UTP20: variants seen among roughly 807,000 people sequenced by gnomAD.
UTP20 encodes small subunit processome component 20 homolog.
UTP20 carries 164 observed loss-of-function variants against 329.5 expected under a neutral mutation model. The observed-to-expected ratio is 0.50, with a 90% CI of 0.44 to 0.57. UTP20 has a LOEUF of 0.57. Among genes scored for constraint, UTP20 ranks in the 20% least tolerant of loss-of-function variants. The pLI is 0.00. For missense variants in UTP20, 3,055 were observed against 3,284.2 expected, an observed-to-expected ratio of 0.93 and a Z score of 1.71; for synonymous variants, 1,151 against 1,159.3, an observed-to-expected ratio of 0.99 and a Z score of 0.14.
In UTP20 at chr12:101,313,660, G is replaced by A. The variant is rs968452534; in HGVS notation, c.2552+1384G>A. Among the ~76,000 whole-genome samples the A allele has an allele frequency of 3.3e-5, 5 of 151,838 alleles. No homozygotes were observed. In the South Asian group the frequency reaches 6.2e-4, roughly 19 times the overall value. On this transcript the variant is annotated intron_variant, in intron 21 of 61. Coordinates refer to ENST00000261637, the MANE Select transcript of UTP20 (RefSeq NM_014503.3). ...TTCGATAAGATAACATTTATGAAAG[G>A]TTGCAACTAGATCAGCCTGTGAGAT...
intron 28 of UTP20, 70 bp from the exon 29 acceptor site, chr12:101,334,355 T>C (rs1347879656): frequency 3.1e-6 from 4 of 1,302,206 alleles, no homozygotes; most frequent in East Asian, 4.7e-5. Context: ...TCTGTACTTG[T>C]TAGTTATTTG....
At chr12:101,294,166 G>T (rs565961191) in intron 11 of UTP20, among the ~76,000 whole-genome samples, 1 of 152,060 alleles carries the variant, frequency 6.6e-6, no homozygotes, top group African/African-American at 2.4e-5. Context: ...CTCCCAAGTA[G>T]CTGGGACTAC....
At chr12:101,375,866 G>A (rs1261164194) in intron 56 of UTP20, 110 bp downstream of exon 56, 2 of 667,842 alleles carry the variant, frequency 3.0e-6, no homozygotes, top group African/African-American at 3.7e-5. Context: ...ACAATGTCAG[G>A]AAAAGAGTCC....
Position 101,327,114 on chromosome 12 carries a change from G to A in UTP20, c.3075G>A (p.Gly1025=), listed in dbSNP as rs1763440034. 1 of 1,611,944 alleles carries A rather than the reference G, an allele frequency of 6.2e-7. No homozygotes were observed. Among genetic ancestry groups the A allele is most frequent in the Non-Finnish European group, 8.5e-7 (1 of 1,178,250 alleles). ...ILYGRMKNKT[G]SKTQGKSASG... is the part of the protein sequence containing the mutation. ...ATGGGCGAATGAAGAATAAGACTGG[G>A]AGTAAAACTCAGGGGAAATCTGCTT... The change falls in exon 26 of 62, where the codon GGG becomes GGA. Residue 1025 remains glycine (G), a synonymous_variant. Transcript: ENST00000261637.
rs1471708181 is a variant in UTP20 at position 101,370,435 on chromosome 12, G to A, written c.6559G>A (p.Val2187Met). 6.2e-7 allele frequency: 1 copy of A among 1,613,106 alleles called. No homozygotes were observed. The highest frequency in any genetic ancestry group is 8.5e-7 in the Non-Finnish European group (1 of 1,179,624). The change falls in exon 50 of 62, where the codon GTG becomes ATG. Residue 2187 changes from valine to methionine, a missense_variant. Physicochemically the swap from Val to Met is conservative, Grantham distance 21 (BLOSUM62 1). This residue lies in a region of UTP20 where 273 missense variants were observed against 363.1 expected (regional missense o/e 0.75). Transcript: ENST00000261637. ...ACATCACTATTGTAACTTGCAGTGT[G>A]TGACCATACTTGTCAAGAAAGTCAA... ...FHLVVNCFKC[V>M]TILVKKVKSY...
chr12:101,322,809 T>A (rs1240180474), intron 25 of UTP20, among the ~76,000 whole-genome samples: 1 of 152,166 alleles, frequency 6.6e-6, no homozygotes, highest in Non-Finnish European at 1.5e-5. Context: ...CATAAAAATA[T>A]TTGAGGGAGT....
intron 2 of UTP20, among the ~76,000 whole-genome samples, chr12:101,283,499 A>T (rs1010493119): frequency 6.6e-6 from 1 of 152,192 alleles, no homozygotes; most frequent in Non-Finnish European, 1.5e-5. Context: ...AGGGTGAGGA[A>T]ACAGACTCCG....
At chr12:101,374,214 G>A (rs1391444895) in intron 54 of UTP20, among the ~76,000 whole-genome samples, 24 of 148,642 alleles carry the variant, frequency 1.6e-4, no homozygotes, top group African/African-American at 4.2e-4. Flanking sequence ...CAGCCTGGGC[G>A]ACAGAGCGAG....
chr12:101,298,625 C>T (rs778789130), intron 12 of UTP20, among the ~76,000 whole-genome samples: 18 of 152,000 alleles, frequency 1.2e-4, no homozygotes, highest in Admixed American at 2.6e-4. Context: ...GTCTAGAAAA[C>T]GGGAATGACG....
intron 44 of UTP20, 57 bp from the exon 45 acceptor site, chr12:101,363,519 A>C: frequency 1.3e-6 from 2 of 1,495,110 alleles, no homozygotes. Flanking sequence ...GTGACTGCTT[A>C]TGTTGGCATA....
chr12:101,378,824 C>T (rs4764647), intron 56 of UTP20, among the ~76,000 whole-genome samples: 20,276 of 152,138 alleles, frequency 0.13, 1,520 homozygotes, highest in Middle Eastern at 0.24. Flanking sequence ...GCTGTTTATA[C>T]CCCATTAGAG....
intron 10 of UTP20, 77 bp downstream of exon 10, chr12:101,292,181 T>G: frequency 6.8e-7 from 1 of 1,480,512 alleles, no homozygotes; most frequent in South Asian, 1.4e-5. Context: ...GGAATACAAG[T>G]GAAGTGTGAC....
rs1385404801 is a variant in UTP20, at chr12:101,284,485, C to G, written c.127-1085C>G. On this transcript the variant is annotated intron_variant, in intron 2 of 61. Transcript: ENST00000261637. Reference sequence around the variant, plus strand: ...ATGTACTATATTTTCTTTATCCAATCTACTGTTGATGGACACCTGGGACAA... The same window carrying G: ...ATGTACTATATTTTCTTTATCCAATGTACTGTTGATGGACACCTGGGACAA... Among the ~76,000 whole-genome samples, 3 of 152,108 alleles carry G rather than the reference C, an allele frequency of 2.0e-5. No individual in the cohort carries two copies. The East Asian group carries it at 5.8e-4, about 29-fold the overall frequency.
chr12:101,324,428 G>A (rs565282939), intron 25 of UTP20, among the ~76,000 whole-genome samples: 2 of 151,758 alleles, frequency 1.3e-5, no homozygotes, highest in Non-Finnish European at 1.5e-5. Context: ...TTGTAGAGAC[G>A]GAGTTTCACC....
rs1227708285 is a variant in UTP20 at position 101,371,077 on chromosome 12, T to C, written c.6707T>C (p.Leu2236Pro). 1 of 1,614,044 alleles carries C rather than the reference T, an allele frequency of 6.2e-7. No homozygotes were observed. Among genetic ancestry groups the C allele is most frequent in the South Asian group, 1.1e-5 (1 of 91,054 alleles). Residue 2236 changes from leucine (L) to proline (P), a missense_variant, in exon 51 of 62, where the codon CTG (leucine) becomes CCG (proline). Physicochemically the swap from Leu to Pro is moderately conservative, Grantham distance 98 (BLOSUM62 -3). Around this residue, in one of 3 missense-constraint regions of UTP20, gnomAD observed 273 missense variants for 363.1 expected, o/e 0.75. Coordinates refer to ENST00000261637, the MANE Select transcript of UTP20 (RefSeq NM_014503.3). ...GLLKAILSRK[L>P]LVPEIDEVMR... ...TCTTAGGCAATTTTATCAAGAAAGC[T>C]GTTGGTCCCAGAAATCGATGAGGTC...
At chr12:101,318,783 G>A in intron 22 of UTP20, among the ~76,000 whole-genome samples, 1 of 142,096 alleles carries the variant, frequency 7.0e-6, no homozygotes, top group South Asian at 2.4e-4. Flanking sequence ...GTGAGCCGTG[G>A]TTGTGCCACT....
Position 101,344,612 on chromosome 12 carries a change from A to T in UTP20, c.4467A>T (p.Leu1489Phe). 1 of 1,048,468 alleles carries T rather than the reference A, an allele frequency of 9.5e-7. No homozygotes were observed. The highest frequency in any genetic ancestry group is 1.5e-6 in the Non-Finnish European group (1 of 662,612). The allele number at this position is 1,048,468 out of a possible 1,614,324, so 64.9% of individuals were successfully genotyped here. The change falls in exon 36 of 62, where the codon TTA (leucine) becomes TTT (phenylalanine). Residue 1489 changes from leucine to phenylalanine, a missense_variant. Leu to Phe is a conservative substitution (Grantham distance 22). Coordinates refer to ENST00000261637, the MANE Select transcript of UTP20 (RefSeq NM_014503.3). Reference protein sequence around the residue: ...FYNLELGDMSLSDNASMCLMS... With the variant: ...FYNLELGDMSFSDNASMCLMS... ...TTTTGCAGTTAGGAGATATGAGTTT[A>T]AGTGATAATGCCAGCATGTGCCTGA... is the stretch of plus-strand genomic sequence containing the variant.
intron 27 of UTP20, 101 bp downstream of exon 27, chr12:101,329,550 A>C: frequency 3.3e-6 from 4 of 1,213,266 alleles, no homozygotes; most frequent in Non-Finnish European, 4.5e-6. Flanking sequence ...TCCAACTCTC[A>C]TTTCAAGTTT....
rs770436107 is a variant in UTP20 at position 101,355,077 on chromosome 12, G to C, written c.5353G>C (p.Gly1785Arg). The C allele has an allele frequency of 3.1e-6, 5 of 1,614,086 alleles. No individual in the cohort carries two copies. The South Asian group carries it at 5.5e-5, about 18-fold the overall frequency. The change falls in exon 41 of 62, where the codon GGG becomes CGG. Residue 1785 changes from glycine (G) to arginine (R), a missense_variant. This residue lies in a region of UTP20 where 2,445 missense variants were observed against 2,575.5 expected (regional missense o/e 0.95). Transcript: ENST00000261637. The part of the protein sequence containing the change: ...TIKNIQGTIT[G>R]DILPRLHKCL... ...TAAAAATATCCAAGGAACCATAACCGGGGATATTCTCCCCAGGCTACATAA... is the reference window on the plus strand; with the variant it reads ...TAAAAATATCCAAGGAACCATAACCCGGGATATTCTCCCCAGGCTACATAA...
Sources: allele counts gnomAD v4.1 joint callset (sites outside exome capture counted in the v4.1 genomes callset), GRCh38; gene constraint gnomAD v4.1.1; regional missense constraint gnomAD v4.1.1; transcripts MANE v1.5; gene names NCBI Gene and HGNC (gene_info 2026-07-23, HGNC 2026-07-21).